Variants in CDH10 observed in about 807,000 individuals in gnomAD.
CDH10 encodes cadherin 10.
CDH10 carries 30 observed loss-of-function variants against 73.1 expected under a neutral mutation model. The ratio of observed to expected loss-of-function variants is 0.41; its 90% confidence interval spans 0.31 to 0.56. CDH10 has a LOEUF of 0.56. Among genes scored for constraint, CDH10 ranks in the 20% least tolerant of loss-of-function variants. The probability of loss-of-function intolerance (pLI) is 0.27; values close to 1 mark genes in which losing one functional copy is unlikely to be tolerated. For synonymous variants in CDH10, 345 were observed against 348.2 expected (o/e 0.99, Z 0.10); for missense variants, 815 against 973.7 (o/e 0.84, Z 2.17).
At chr5:24,620,050 T>C (rs1056212981) in intron 1 of CDH10, among the ~76,000 whole-genome samples, 1 of 152,232 alleles carries the variant, frequency 6.6e-6, no homozygotes, top group African/African-American at 2.4e-5. Flanking sequence ...GTAAAATAAA[T>C]GATATATATT....
At chr5:24,516,439 A>AC (rs1743110991) in intron 5 of CDH10, among the ~76,000 whole-genome samples, 1 of 151,742 alleles carries the variant, frequency 6.6e-6, no homozygotes, top group South Asian at 2.1e-4. Flanking sequence ...TCTTACTGGC[A>AC]ACAATTAATA....
intron 8 of CDH10, among the ~76,000 whole-genome samples, chr5:24,504,453 T>TTCTCACAAA (rs1362961979): frequency 1.3e-5 from 2 of 150,062 alleles, no homozygotes; most frequent in Non-Finnish European, 3.0e-5. Flanking sequence ...TCTTTCTTTG[T>TTCTCACAAA]GAGAGCTCCT....
chr5:24,611,615 G>T (rs1021195778), intron 1 of CDH10, among the ~76,000 whole-genome samples: 1 of 151,930 alleles, frequency 6.6e-6, no homozygotes, highest in Non-Finnish European at 1.5e-5. Context: ...TGTTAACAAT[G>T]AACTTTTAAG....
chr5:24,508,520 A>G (rs1042779525), intron 7 of CDH10, among the ~76,000 whole-genome samples: 2 of 152,102 alleles, frequency 1.3e-5, no homozygotes, highest in African/African-American at 4.8e-5. Flanking sequence ...GCAGCATTGC[A>G]ATTACTTTTT....
chr5:24,497,052 T>C (rs1411015007), intron 9 of CDH10, among the ~76,000 whole-genome samples: 1 of 152,128 alleles, frequency 6.6e-6, no homozygotes, highest in Non-Finnish European at 1.5e-5. Flanking sequence ...CTTTTGATTA[T>C]TTTCCTTCAA....
intron 11 of CDH10, among the ~76,000 whole-genome samples, chr5:24,488,463 T>C (rs1003200317): frequency 6.6e-6 from 1 of 152,172 alleles, no homozygotes; most frequent in African/African-American, 2.4e-5. Context: ...AGATAATATT[T>C]ATCTTCTGCA....
At chr5:24,548,321 T>C (rs1042409859) in intron 2 of CDH10, among the ~76,000 whole-genome samples, 1 of 152,012 alleles carries the variant, frequency 6.6e-6, no homozygotes, top group African/African-American at 2.4e-5. Context: ...GGGTTCACCA[T>C]GTTGGCCAGG....
chr5:24,534,062 A>G (rs1191330824), intron 5 of CDH10, among the ~76,000 whole-genome samples: 1 of 152,112 alleles, frequency 6.6e-6, no homozygotes, highest in East Asian at 1.9e-4. Context: ...ATAGTACAGA[A>G]AAGAGAAAAA....
At chr5:24,583,188 G>C (rs1399052560) in intron 2 of CDH10, among the ~76,000 whole-genome samples, 3 of 126,032 alleles carry the variant, frequency 2.4e-5, no homozygotes, top group Non-Finnish European at 4.9e-5. Context: ...GTGAGTCCTA[G>C]GTTACATTTT....
At chr5:24,509,230 C>A (rs75723070) in intron 7 of CDH10, among the ~76,000 whole-genome samples, 2 of 91,458 alleles carry the variant, frequency 2.2e-5, no homozygotes, top group Non-Finnish European at 4.4e-5. Context: ...ACATTTTGTT[C>A]TCCTTTTTCC....
At chr5:24,524,803 A>G (rs905338991) in intron 5 of CDH10, among the ~76,000 whole-genome samples, 5 of 152,134 alleles carry the variant, frequency 3.3e-5, no homozygotes, top group Non-Finnish European at 7.4e-5. Flanking sequence ...AGGACTGAGC[A>G]AAATGTGGGG....
At chr5:24,555,348 C>T (rs1239638443) in intron 2 of CDH10, among the ~76,000 whole-genome samples, 1 of 152,138 alleles carries the variant, frequency 6.6e-6, no homozygotes, top group Admixed American at 6.6e-5. Flanking sequence ...GCAAGCTATA[C>T]ATATAGGACT....
chr5:24,529,165 T>C (rs1743637191), intron 5 of CDH10, among the ~76,000 whole-genome samples: 1 of 151,988 alleles, frequency 6.6e-6, no homozygotes, highest in Non-Finnish European at 1.5e-5. Context: ...GCAAACCAGA[T>C]AATCCTTTTT....
chr5:24,584,214 C>T (rs1745900826), intron 2 of CDH10, among the ~76,000 whole-genome samples: 1 of 152,024 alleles, frequency 6.6e-6, no homozygotes, highest in Admixed American at 6.6e-5. Flanking sequence ...TCTCATTTAA[C>T]TGTACCCCCA....
At chr5:24,564,369 A>G (rs1505888) in intron 2 of CDH10, among the ~76,000 whole-genome samples, 126,334 of 152,162 alleles carry the variant, frequency 0.83, 52,497 homozygotes, top group East Asian at 0.92. Context: ...GGTGGCATTC[A>G]TCCTTCTTAC....
chr5:24,503,608 C>A (rs149817200), intron 8 of CDH10, among the ~76,000 whole-genome samples: 12 of 152,226 alleles, frequency 7.9e-5, no homozygotes, highest in Middle Eastern at 3.4e-3. Context: ...TGGTTTGAAT[C>A]CATCAGGTTT....
At chr5:24,633,438 A>C (rs1319177849) in intron 1 of CDH10, among the ~76,000 whole-genome samples, 1 of 151,910 alleles carries the variant, frequency 6.6e-6, no homozygotes, top group Non-Finnish European at 1.5e-5. Flanking sequence ...AACCCACTGA[A>C]AAATGCATTC....
intron 1 of CDH10, among the ~76,000 whole-genome samples, chr5:24,634,164 T>C (rs1037025351): frequency 5.9e-5 from 9 of 151,980 alleles, no homozygotes; most frequent in Admixed American, 1.3e-4. Flanking sequence ...GAAATGATTA[T>C]TTCAGTAGTC....
intron 2 of CDH10, among the ~76,000 whole-genome samples, chr5:24,556,962 G>GT (rs1342074742): frequency 7.2e-6 from 1 of 139,092 alleles, no homozygotes; most frequent in South Asian, 2.3e-4. Flanking sequence ...TTAATCTGAA[G>GT]TTTTTTTCAT....
Sources: gnomAD v4.1 joint callset for allele counts (sites outside exome capture counted in the v4.1 genomes callset) on GRCh38, gnomAD v4.1.1 for gene constraint, MANE v1.5 for transcripts, NCBI Gene and HGNC (gene_info 2026-07-23, HGNC 2026-07-21) for gene names.